The following AGAP1 variants were observed in gnomAD, a reference collection of about 807,000 sequenced individuals.
AGAP1 encodes the protein arf-GAP with GTPase, ANK repeat and PH domain-containing protein 1.
A neutral mutation model predicts 105.3 loss-of-function variants in AGAP1; 29 were observed. The ratio of observed to expected loss-of-function variants is 0.28; its 90% CI spans 0.21 to 0.38. The LOEUF (loss-of-function observed/expected upper bound fraction) is 0.38, where lower values mean the gene tolerates loss of function less well. Ranked by LOEUF, AGAP1 falls within the 10% of genes least tolerant of loss-of-function variation. The pLI is 1.00. For synonymous variants in AGAP1, 509 were observed against 485.9 expected, an observed-to-expected ratio of 1.05 and a Z score of -0.63; for missense variants, 998 against 1,165.1, an observed-to-expected ratio of 0.86 and a Z score of 2.09.
chr2:236,014,764 C>G lies in AGAP1; in HGVS notation c.1646-21797C>G. 1 of 390,316 alleles carries G rather than the reference C, an allele frequency of 2.6e-6. No individual in the cohort carries two copies. Among genetic ancestry groups the G allele is most frequent in the South Asian group, 1.9e-5 (1 of 51,942 alleles). The allele number at this position is 390,316 out of a possible 1,614,324, so 24.2% of individuals were successfully genotyped here. Reference sequence around the variant, plus strand: ...TTTGTTTTCTTTTCCTTTTTGTTTTCTCTCTTTTTCCCCTCTCCCCTTTCT... The same window carrying G: ...TTTGTTTTCTTTTCCTTTTTGTTTTGTCTCTTTTTCCCCTCTCCCCTTTCT... On this transcript the variant is annotated intron_variant, in intron 13 of 17. Coordinates refer to ENST00000304032, the MANE Select transcript of AGAP1 (RefSeq NM_001037131.3). The surrounding 1 kb of genome is among the most constrained non-coding windows in gnomAD (Gnocchi z 6.3).
intron 1 of AGAP1, among the ~76,000 whole-genome samples, chr2:235,619,668 A>G (rs1156316546): frequency 3.3e-5 from 5 of 152,152 alleles, no homozygotes; most frequent in African/African-American, 1.2e-4. Flanking sequence ...CACCCCTTTA[A>G]TTTCATGAGC....
In AGAP1 at chr2:235,599,694, G is replaced by A. The variant is rs369603485; in HGVS notation, c.163+104845G>A. Among the ~76,000 whole-genome samples, 1 of 152,084 alleles carries A rather than the reference G, an allele frequency of 6.6e-6. No individual in the cohort carries two copies. The highest frequency in any genetic ancestry group is 2.1e-4 in the South Asian group (1 of 4,822). ...GAATCCTGCAGTCCACTTGCCCAGC[G>A]TCACTTCCTCCAGTGCCCTTTCTGG... is the stretch of plus-strand genomic sequence containing the variant. On this transcript the variant is annotated intron_variant, in intron 1 of 17. Transcript: ENST00000304032. The surrounding 1 kb of genome is among the most constrained non-coding windows in gnomAD (Gnocchi z 5.3).
In AGAP1 at chr2:235,788,727, C is replaced by T. The variant is rs1452052400; in HGVS notation, c.674-9032C>T. On this transcript the variant is annotated intron_variant, in intron 6 of 17. Transcript: ENST00000304032. The surrounding 1 kb of genome is among the most constrained non-coding windows in gnomAD (Gnocchi z 6.0). ...CTCCAGACAGGATCATTTGGAGCCC[C>T]TTCTTTCCCAAATGGTGGGGAGAAG... 6.6e-6 allele frequency among the ~76,000 whole-genome samples: 1 copy of T among 152,160 alleles called. No homozygotes were observed. Among genetic ancestry groups the T allele is most frequent in the African/African-American group, 2.4e-5 (1 of 41,430 alleles).
At chr2:235,704,188 A>G (rs1057009430) in intron 1 of AGAP1, among the ~76,000 whole-genome samples, 3 of 152,228 alleles carry the variant, frequency 2.0e-5, no homozygotes, top group African/African-American at 7.2e-5. Context: ...GTTTAGCCTC[A>G]GTAACTGCAG....
intron 9 of AGAP1, among the ~76,000 whole-genome samples, chr2:235,835,966 G>A (rs1960107594): frequency 6.6e-6 from 1 of 152,166 alleles, no homozygotes; most frequent in African/African-American, 2.4e-5. Context: ...CAGTTGTATT[G>A]TGGTTAATAA....
rs188585926 is a variant in AGAP1, at chr2:236,036,767, C to T, written c.1800+52C>T. 45 of 1,605,142 alleles carry T rather than the reference C, an allele frequency of 2.8e-5. No homozygotes were observed. Among genetic ancestry groups the T allele is most frequent in the Admixed American group, 1.4e-4 (8 of 58,372 alleles). Reference sequence around the variant, plus strand: ...AGGCTGGGGCTGCTCAGGGGGAGTGCGGGCCCCAAGTAATGCCCCAGGGAG... The same window carrying T: ...AGGCTGGGGCTGCTCAGGGGGAGTGTGGGCCCCAAGTAATGCCCCAGGGAG... On this transcript the variant is annotated intron_variant, in intron 14 of 17. Coordinates refer to ENST00000304032, the MANE Select transcript of AGAP1 (RefSeq NM_001037131.3). This position sits in a 1 kb window ranked among gnomAD's most constrained non-coding sequence, Gnocchi z 5.7.
intron 11 of AGAP1, among the ~76,000 whole-genome samples, chr2:235,917,450 C>T (rs2051946541): frequency 6.6e-6 from 1 of 152,154 alleles, no homozygotes; most frequent in Non-Finnish European, 1.5e-5. Context: ...CTTGCTCTTT[C>T]CTCTCCTCTT....
At chr2:235,857,051 C>G (rs958551392) in intron 9 of AGAP1, among the ~76,000 whole-genome samples, 1 of 152,134 alleles carries the variant, frequency 6.6e-6, no homozygotes, top group Non-Finnish European at 1.5e-5. Flanking sequence ...AGGTGGTGAG[C>G]CTGAGATGCT....
intron 9 of AGAP1, chr2:235,853,112 CTTTTTTTAAAGAAAAAAACA>C (rs1420570876): frequency 8.2e-7 from 1 of 1,216,174 alleles, no homozygotes; most frequent in Non-Finnish European, 1.0e-6. Context: ...TTTGAGGAAC[CTTTTTTTAAAGAAAAAAACA>C]TTTACTGGCG....
intron 13 of AGAP1, among the ~76,000 whole-genome samples, chr2:235,996,630 T>C (rs1217563398): frequency 1.3e-5 from 2 of 152,204 alleles, no homozygotes; most frequent in Non-Finnish European, 2.9e-5. Context: ...CTGTTCACCA[T>C]CAAGCGGCAG....
rs1269586422 is a variant in AGAP1 at position 235,662,610 on chromosome 2, G to A, written c.164-46569G>A. Among the ~76,000 whole-genome samples the A allele has an allele frequency of 2.6e-5, 4 of 150,970 alleles. No homozygotes were observed. The highest frequency in any genetic ancestry group is 2.1e-4 in the South Asian group (1 of 4,768). On this transcript the variant is annotated intron_variant, in intron 1 of 17. Coordinates refer to ENST00000304032, the MANE Select transcript of AGAP1 (RefSeq NM_001037131.3). This position sits in a 1 kb window ranked among gnomAD's most constrained non-coding sequence, Gnocchi z 4.2. ...CAACCTCTGCCTCCTGGGTTCAAGC[G>A]ATTTTTCTGCCTCAGCCTCCCAAGT...
intron 16 of AGAP1, among the ~76,000 whole-genome samples, chr2:236,100,927 T>C (rs768506568): frequency 5.9e-5 from 9 of 152,102 alleles, no homozygotes; most frequent in Non-Finnish European, 1.0e-4. Flanking sequence ...GTAATAAAAT[T>C]TCAGTTGTCA....
rs983283130 is a variant in AGAP1 at position 235,769,850 on chromosome 2, C to T, written c.673+19362C>T. On this transcript the variant is annotated intron_variant, in intron 6 of 17. Transcript: ENST00000304032. The surrounding 1 kb of genome is among the most constrained non-coding windows in gnomAD (Gnocchi z 4.4). ...TTGGCACAGGGGAGGGAGGACATGG[C>T]CCTCGGCTGCCAAGGAGCATCCAGT... 5.3e-5 allele frequency among the ~76,000 whole-genome samples: 8 copies of T among 152,158 alleles called. No individual in the cohort carries two copies. The highest frequency in any genetic ancestry group is 1.9e-4 in the African/African-American group (8 of 41,424).
rs1194997077 is a variant in AGAP1 at position 235,609,676 on chromosome 2, C to T, written c.164-99503C>T. Among the ~76,000 whole-genome samples, 3 of 152,040 alleles carry T rather than the reference C, an allele frequency of 2.0e-5. No homozygotes were observed. The highest frequency in any genetic ancestry group is 4.8e-5 in the African/African-American group (2 of 41,396). On this transcript the variant is annotated intron_variant, in intron 1 of 17. Coordinates refer to ENST00000304032, the MANE Select transcript of AGAP1 (RefSeq NM_001037131.3). This position sits in a 1 kb window ranked among gnomAD's most constrained non-coding sequence, Gnocchi z 5.1. ...GCTGAGGGAGCATCCTTATGGTAAA[C>T]GTCCCTGGTTCTGTACCGGAGGAAC... is the stretch of plus-strand genomic sequence containing the variant.
In AGAP1 at chr2:235,824,730, C is replaced by G. The variant is rs1958974457; in HGVS notation, c.1050+17399C>G. ...TATTCCACATGTAGATGAGATGTGCCCTTATATGAGACGGCCTGCATTCTT... is the reference window on the plus strand; with the variant it reads ...TATTCCACATGTAGATGAGATGTGCGCTTATATGAGACGGCCTGCATTCTT... On this transcript the variant is annotated intron_variant, in intron 9 of 17. Transcript: ENST00000304032. The surrounding 1 kb of genome is among the most constrained non-coding windows in gnomAD (Gnocchi z 5.2). Among the ~76,000 whole-genome samples the G allele has an allele frequency of 6.6e-6, 1 of 152,080 alleles. No homozygotes were observed. Among genetic ancestry groups the G allele is most frequent in the Admixed American group, 6.5e-5 (1 of 15,270 alleles).
rs771128625 is a variant in AGAP1 at position 235,714,562 on chromosome 2, G to A, written c.223-2995G>A. On this transcript the variant is annotated intron_variant, in intron 2 of 17. Transcript: ENST00000304032. The surrounding 1 kb of genome is among the most constrained non-coding windows in gnomAD (Gnocchi z 4.1). ...AGCAGGGAGCGGGCAGATGAGAGGC[G>A]GGAGGGTTGTAACTGGGGTGTAAGA... Among the ~76,000 whole-genome samples the A allele has an allele frequency of 1.3e-5, 2 of 151,624 alleles. No individual in the cohort carries two copies. The highest frequency in any genetic ancestry group is 2.1e-4 in the South Asian group (1 of 4,794).
At position 235,664,634 on chromosome 2, in the gene AGAP1, G is replaced by C. The variant is rs1559324112; in HGVS notation, c.164-44545G>C. ...ATCTACTCACAATGGACACTTGCTG[G>C]CTTGTTTTAAAACCAAGCTTGCTTC... On this transcript the variant is annotated intron_variant, in intron 1 of 17. Coordinates refer to ENST00000304032, the MANE Select transcript of AGAP1 (RefSeq NM_001037131.3). The surrounding 1 kb of genome is among the most constrained non-coding windows in gnomAD (Gnocchi z 5.7). 6.6e-6 allele frequency among the ~76,000 whole-genome samples: 1 copy of C among 151,732 alleles called. No homozygotes were observed. Among genetic ancestry groups the C allele is most frequent in the Non-Finnish European group, 1.5e-5 (1 of 67,724 alleles).
At chr2:235,554,006 T>C (rs1283079884) in intron 1 of AGAP1, among the ~76,000 whole-genome samples, 2 of 152,144 alleles carry the variant, frequency 1.3e-5, no homozygotes, top group African/African-American at 4.8e-5. Context: ...GTGACTCACC[T>C]CTGGCCAGAA....
chr2:235,605,644 A>G (rs545574380), intron 1 of AGAP1, among the ~76,000 whole-genome samples: 1 of 152,378 alleles, frequency 6.6e-6, no homozygotes, highest in Non-Finnish European at 1.5e-5. Flanking sequence ...ATGCAGGCAC[A>G]GAAAAATTTA....
Sources: gnomAD v4.1 joint callset for allele counts (sites outside exome capture counted in the v4.1 genomes callset) on GRCh38, gnomAD v4.1.1 for gene constraint, Gnocchi (gnomAD v3.1) non-coding constraint, MANE v1.5 for transcripts, NCBI Gene and HGNC (gene_info 2026-07-23, HGNC 2026-07-21) for gene names.